The following KCNQ5 variants were observed in gnomAD, a reference collection of about 807,000 sequenced individuals.
KCNQ5 encodes potassium voltage-gated channel subfamily Q member 5.
KCNQ5 carries 30 observed loss-of-function variants against 98.2 expected under a neutral mutation model. That is an observed-to-expected ratio of 0.31 (90% CI 0.23 to 0.41). The LOEUF (loss-of-function observed/expected upper bound fraction) is 0.41, where lower values mean the gene tolerates loss of function less well. Ranked by LOEUF, KCNQ5 falls within the 10% of genes least tolerant of loss-of-function variation. KCNQ5 has a pLI of 1.00. For missense variants in KCNQ5, 835 were observed against 1,182.5 expected (o/e 0.71, Z 4.31); for synonymous variants, 458 against 449.4 (o/e 1.02, Z -0.24).
At chr6:73,067,016 A>T (rs1304133069) in intron 3 of KCNQ5, among the ~76,000 whole-genome samples, 2 of 152,224 alleles carry the variant, frequency 1.3e-5, no homozygotes, top group Admixed American at 6.5e-5. Context: ...CATTGGGACA[A>T]CCTAAAATAT....
At chr6:72,749,643 A>G (rs16882816) in intron 1 of KCNQ5, among the ~76,000 whole-genome samples, 4,171 of 152,178 alleles carry the variant, frequency 0.027, 184 homozygotes, top group African/African-American at 0.092. Context: ...TAGTCCAATC[A>G]TAGGTAGGTG....
At chr6:72,894,774 T>C (rs1562051822) in intron 1 of KCNQ5, among the ~76,000 whole-genome samples, 1 of 152,180 alleles carries the variant, frequency 6.6e-6, no homozygotes, top group Non-Finnish European at 1.5e-5. Flanking sequence ...AATTTGGCAC[T>C]CTATGTTGGT....
intron 1 of KCNQ5, among the ~76,000 whole-genome samples, chr6:72,669,409 C>T (rs1447498308): frequency 6.6e-6 from 1 of 152,168 alleles, no homozygotes; most frequent in Non-Finnish European, 1.5e-5. Context: ...CTTGAATAAT[C>T]CTCTTTGCCT....
intron 11 of KCNQ5, among the ~76,000 whole-genome samples, chr6:73,177,599 A>G (rs1412144519): frequency 6.6e-6 from 1 of 152,180 alleles, no homozygotes; most frequent in Non-Finnish European, 1.5e-5. Context: ...CCGCAAGTAA[A>G]GAAGAGGCAC....
intron 1 of KCNQ5, among the ~76,000 whole-genome samples, chr6:72,681,971 C>T (rs923928538): frequency 6.6e-6 from 1 of 152,148 alleles, no homozygotes; most frequent in African/African-American, 2.4e-5. Context: ...TGGAGTTCCC[C>T]AGGACTTGAG....
intron 3 of KCNQ5, among the ~76,000 whole-genome samples, chr6:73,051,705 C>CAAAAAAAAAAAAAAAAAAAAAAA (rs201199934): frequency 6.2e-5 from 6 of 97,180 alleles, no homozygotes; most frequent in African/African-American, 2.5e-4. Context: ...AAGATAGAGG[C>CAAAAAAAAAAAAAAAAAAAAAAA]AAAAAAAAAA....
chr6:72,860,428 T>C (rs905295316), intron 1 of KCNQ5, among the ~76,000 whole-genome samples: 1 of 152,162 alleles, frequency 6.6e-6, no homozygotes, highest in Non-Finnish European at 1.5e-5. Flanking sequence ...CACCCTTTAT[T>C]AAGTGTGTGG....
intron 10 of KCNQ5, among the ~76,000 whole-genome samples, chr6:73,161,982 T>C (rs1487232213): frequency 6.6e-6 from 1 of 152,146 alleles, no homozygotes. Context: ...AATGGTGCGA[T>C]CTTGGCTCAC....
chr6:73,000,395 T>G (rs568825402), intron 1 of KCNQ5, among the ~76,000 whole-genome samples: 2 of 152,316 alleles, frequency 1.3e-5, no homozygotes, highest in African/African-American at 2.4e-5. Flanking sequence ...CCTCTATGCT[T>G]ATTTACCAAA....
At chr6:72,779,763 G>C (rs1773358049) in intron 1 of KCNQ5, among the ~76,000 whole-genome samples, 3 of 151,736 alleles carry the variant, frequency 2.0e-5, no homozygotes, top group Non-Finnish European at 4.4e-5. Flanking sequence ...TACCACCTCA[G>C]CTTCCCTAGT....
chr6:72,727,421 G>T (rs1300494325), intron 1 of KCNQ5, among the ~76,000 whole-genome samples: 1 of 152,116 alleles, frequency 6.6e-6, no homozygotes, highest in Non-Finnish European at 1.5e-5. Flanking sequence ...GTTTTCACAT[G>T]AAAATTCAAT....
chr6:73,159,628 C>A (rs1485012543), intron 10 of KCNQ5, among the ~76,000 whole-genome samples: 2 of 152,140 alleles, frequency 1.3e-5, no homozygotes, highest in African/African-American at 2.4e-5. Flanking sequence ...TATTCTTTTG[C>A]AAATTAAATC....
chr6:73,174,834 G>A (rs1016089824), intron 11 of KCNQ5, among the ~76,000 whole-genome samples: 3 of 152,258 alleles, frequency 2.0e-5, no homozygotes, highest in East Asian at 3.9e-4. Flanking sequence ...CACTTAGAAC[G>A]GTATACACGG....
chr6:73,064,257 A>T (rs781009543), intron 3 of KCNQ5, among the ~76,000 whole-genome samples: 2 of 152,194 alleles, frequency 1.3e-5, no homozygotes, highest in African/African-American at 2.4e-5. Context: ...TACATATCCC[A>T]ACACTACTAA....
At chr6:72,883,512 A>G (rs1359829177) in intron 1 of KCNQ5, among the ~76,000 whole-genome samples, 1 of 152,180 alleles carries the variant, frequency 6.6e-6, no homozygotes, top group African/African-American at 2.4e-5. Context: ...AAGGTTTAAG[A>G]AAAGAAATAA....
chr6:73,007,930 A>T (rs575045665), intron 2 of KCNQ5, among the ~76,000 whole-genome samples: 57 of 152,320 alleles, frequency 3.7e-4, no homozygotes, highest in African/African-American at 1.1e-3. Context: ...AATACAGTGT[A>T]TAAAGATGTA....
chr6:73,043,740 G>C (rs1408374679), intron 3 of KCNQ5, among the ~76,000 whole-genome samples: 4 of 152,156 alleles, frequency 2.6e-5, no homozygotes, highest in Non-Finnish European at 5.9e-5. Context: ...TTAAAAATTG[G>C]TTTTGTTCCA....
intron 1 of KCNQ5, among the ~76,000 whole-genome samples, chr6:72,966,077 A>C (rs1287402787): frequency 6.6e-6 from 1 of 152,190 alleles, no homozygotes; most frequent in Non-Finnish European, 1.5e-5. Context: ...CAGGTCCTGA[A>C]GCCAAATACA....
chr6:72,686,670 A>T (rs1767965335), intron 1 of KCNQ5, among the ~76,000 whole-genome samples: 1 of 147,690 alleles, frequency 6.8e-6, no homozygotes, highest in Admixed American at 6.7e-5. Context: ...AGATGAAATT[A>T]TAAATTACTT....
Sources: gnomAD v4.1 joint callset for allele counts (sites outside exome capture counted in the v4.1 genomes callset) on GRCh38, gnomAD v4.1.1 for gene constraint, MANE v1.5 for transcripts, NCBI Gene and HGNC (gene_info 2026-07-23, HGNC 2026-07-21) for gene names.